SLC38A6: variants seen among roughly 807,000 people sequenced by gnomAD.
SLC38A6 encodes the protein N system amino acid transporter NAT-1.
In SLC38A6, 73 loss-of-function variants were observed where a neutral mutation model predicts 65.0. That is an observed-to-expected ratio of 1.12 (90% CI 0.93 to 1.37). SLC38A6 has a LOEUF of 1.37. Ranked by LOEUF, SLC38A6 falls within the 40% of genes most tolerant of loss-of-function variation. The pLI is 0.00. For missense variants in SLC38A6, 561 were observed against 531.1 expected, an observed-to-expected ratio of 1.06 and a Z score of -0.55; for synonymous variants, 183 against 178.8, an observed-to-expected ratio of 1.02 and a Z score of -0.19.
chr14:61,079,879 G>A (rs983271572), intron 16 of SLC38A6, among the ~76,000 whole-genome samples: 1 of 152,282 alleles, frequency 6.6e-6, no homozygotes, highest in South Asian at 2.1e-4. Flanking sequence ...GGGATCCATG[G>A]AATGGGAGTT....
chr14:61,005,374 A>G (rs1395496020), intron 3 of SLC38A6, among the ~76,000 whole-genome samples: 1 of 82,430 alleles, frequency 1.2e-5, no homozygotes, highest in Non-Finnish European at 3.5e-5. Flanking sequence ...TTCAATTAGG[A>G]AAAGAGGAAG....
At chr14:61,002,189 TTC>T (rs2038756715) in intron 3 of SLC38A6, 1 of 152,246 alleles carries the variant, frequency 6.6e-6, no homozygotes, top group Admixed American at 6.5e-5. Flanking sequence ...TATTCTAGCA[TTC>T]TGTTTTCTGT....
intron 3 of SLC38A6, among the ~76,000 whole-genome samples, chr14:61,011,147 C>G (rs7149891): frequency 0.99 from 151,429 of 152,270 alleles, 75,307 homozygotes; most frequent in East Asian, 1. Flanking sequence ...AAGCAATGGT[C>G]AATGGGAATT....
At chr14:61,030,317 GTGTGTTA>G (rs2040893267) in intron 5 of SLC38A6, 121 bp from the exon 6 acceptor site, 1 of 580,424 alleles carries the variant, frequency 1.7e-6, no homozygotes, top group African/African-American at 1.9e-5. Flanking sequence ...CTTTGGTATA[GTGTGTTA>G]TATGTTAATC....
At chr14:61,055,009 C>T (rs2042657805), downstream of SLC38A6, among the ~76,000 whole-genome samples, 1 of 148,492 alleles carries the variant, frequency 6.7e-6, no homozygotes, top group Non-Finnish European at 1.5e-5. Context: ...GTCATGGATG[C>T]CTCTTATTAT....
At chr14:61,047,759 A>G (rs1296806186) in intron 12 of SLC38A6, among the ~76,000 whole-genome samples, 1 of 152,042 alleles carries the variant, frequency 6.6e-6, no homozygotes. Context: ...CTAGACAGGG[A>G]TTTGTCTAAT....
chr14:61,014,283 G>A lies in SLC38A6; in HGVS notation c.311-1621G>A, dbSNP rs1314039207. On this transcript the variant is annotated intron_variant, in intron 3 of 15. Coordinates refer to ENST00000267488, the MANE Select transcript of SLC38A6 (RefSeq NM_153811.3). Reference sequence around the variant, plus strand: ...CATTGGTTATTCTAGTTAGCCATTCGTCTAATTTTTTTTCAAGGTTTTTAA... The same window carrying A: ...CATTGGTTATTCTAGTTAGCCATTCATCTAATTTTTTTTCAAGGTTTTTAA... 4.6e-5 allele frequency among the ~76,000 whole-genome samples: 7 copies of A among 152,006 alleles called. No individual in the cohort carries two copies. The South Asian group carries it at 6.2e-4, about 14-fold the overall frequency.
At chr14:60,995,035 A>G (rs570794089) in intron 3 of SLC38A6, among the ~76,000 whole-genome samples, 13 of 150,918 alleles carry the variant, frequency 8.6e-5, no homozygotes, top group African/African-American at 3.2e-4. Flanking sequence ...AGAAGAAGAA[A>G]TGAGGCATCA....
chr14:61,068,696 T>C (rs928665591), intron 15 of SLC38A6, among the ~76,000 whole-genome samples: 4 of 152,236 alleles, frequency 2.6e-5, no homozygotes, highest in African/African-American at 9.6e-5. Flanking sequence ...TACCCTGTTA[T>C]ACAGGTCACT....
At chr14:61,032,400 C>T (rs2041056211) in intron 6 of SLC38A6, among the ~76,000 whole-genome samples, 2 of 151,698 alleles carry the variant, frequency 1.3e-5, no homozygotes, top group Admixed American at 1.3e-4. Flanking sequence ...TTTACCGTAG[C>T]TTCATTTTAA....
chr14:61,045,861 G>T (rs2042110103), intron 11 of SLC38A6, among the ~76,000 whole-genome samples: 1 of 151,908 alleles, frequency 6.6e-6, no homozygotes, highest in Non-Finnish European at 1.5e-5. Context: ...ATTCCAGCCT[G>T]GGCGACAGAG....
At chr14:61,021,389 A>C (rs897607679) in intron 5 of SLC38A6, among the ~76,000 whole-genome samples, 5 of 152,228 alleles carry the variant, frequency 3.3e-5, no homozygotes, top group African/African-American at 1.2e-4. Context: ...AGAGGGCAGA[A>C]CTGGTGCTAA....
intron 16 of SLC38A6, chr14:61,083,430 A>G: frequency 7.1e-7 from 1 of 1,400,722 alleles, no homozygotes; most frequent in African/African-American, 1.4e-5. Context: ...TCGTAGGTTG[A>G]GGCCCCAATC....
intron 3 of SLC38A6, among the ~76,000 whole-genome samples, chr14:61,013,617 A>G (rs2039756296): frequency 6.6e-6 from 1 of 152,140 alleles, no homozygotes; most frequent in South Asian, 2.1e-4. Context: ...TTGTCTGTAA[A>G]GGATTTTATT....
intron 6 of SLC38A6, among the ~76,000 whole-genome samples, chr14:61,035,490 T>C (rs567620431): frequency 1.8e-4 from 28 of 152,270 alleles, no homozygotes; most frequent in African/African-American, 6.5e-4. Context: ...TATAATAATA[T>C]ATTCAACAGC....
At position 60,994,325 on chromosome 14, in the gene SLC38A6, C is replaced by A. The variant is rs1016273817; in HGVS notation, c.310+9522C>A. Reference sequence around the variant, plus strand: ...CTTTGGGAGGCCAAGGCGGGCGGATCACCTGAGGTTGGGAGATCGAGACCA... The same window carrying A: ...CTTTGGGAGGCCAAGGCGGGCGGATAACCTGAGGTTGGGAGATCGAGACCA... On this transcript the variant is annotated intron_variant, in intron 3 of 15. Coordinates refer to ENST00000267488, the MANE Select transcript of SLC38A6 (RefSeq NM_153811.3). Among the ~76,000 whole-genome samples the A allele has an allele frequency of 5.9e-5, 9 of 152,266 alleles. No homozygotes were observed. The East Asian group carries it at 1.7e-3, about 29-fold the overall frequency.
At chr14:61,036,305 A>C (rs72723932) in intron 6 of SLC38A6, among the ~76,000 whole-genome samples, 36,225 of 152,112 alleles carry the variant, frequency 0.24, 4,714 homozygotes, top group Non-Finnish European at 0.29. Flanking sequence ...AAATGTTTTC[A>C]GTAAACATCT....
intron 3 of SLC38A6, among the ~76,000 whole-genome samples, chr14:60,995,090 T>A (rs142286918): frequency 4.6e-4 from 70 of 150,992 alleles, no homozygotes; most frequent in African/African-American, 1.3e-3. Context: ...TACTGTCAAG[T>A]GAAAGAAACC....
chr14:60,984,789 T>C lies in SLC38A6; in HGVS notation c.296T>C (p.Met99Thr), dbSNP rs1370853030. The change falls in exon 3 of 16, where the codon ATG becomes ACG. Residue 99 changes from methionine to threonine, a missense_variant. Met to Thr is a moderately conservative substitution (Grantham distance 81). Transcript: ENST00000267488. ...ASYSVHLLLS[M>T]CIQTAVTSYE... is the part of the protein sequence containing the mutation. ...TACTCAGTCCATCTTCTGCTTAGTA[T>C]GTGTATTCAGACAGGTGAGTAAAAA... 1 of 1,613,848 alleles carries C rather than the reference T, an allele frequency of 6.2e-7. No individual in the cohort carries two copies. Among genetic ancestry groups the C allele is most frequent in the Non-Finnish European group, 8.5e-7 (1 of 1,179,816 alleles).
Sources: allele counts gnomAD v4.1 joint callset (sites outside exome capture counted in the v4.1 genomes callset), GRCh38; gene constraint gnomAD v4.1.1; transcripts MANE v1.5; gene names NCBI Gene and HGNC (gene_info 2026-07-23, HGNC 2026-07-21).